The following NEXN variants were observed in gnomAD, a reference collection of about 807,000 sequenced individuals.
The protein encoded by NEXN is nexilin.
In NEXN, 65 loss-of-function variants were observed where a neutral mutation model predicts 92.6. That is an observed-to-expected ratio of 0.70 (90% CI 0.57 to 0.86). The LOEUF (loss-of-function observed/expected upper bound fraction) is 0.86. NEXN is among the 40% of genes least tolerant of loss of function. The pLI is 0.00. For synonymous variants in NEXN, 254 were observed against 242.5 expected (o/e 1.05, Z -0.44); for missense variants, 778 against 771.1 (o/e 1.01, Z -0.11).
At chr1:77,915,364 T>G (rs1394196230) in intron 1 of NEXN, among the ~76,000 whole-genome samples, 1 of 152,134 alleles carries the variant, frequency 6.6e-6, no homozygotes, top group Non-Finnish European at 1.5e-5. Flanking sequence ...GCATGGTGGC[T>G]CATGCCTGTA....
At chr1:77,940,330 G>C (rs1651155725) in intron 11 of NEXN, among the ~76,000 whole-genome samples, 1 of 152,242 alleles carries the variant, frequency 6.6e-6, no homozygotes, top group African/African-American at 2.4e-5. Flanking sequence ...CATGGGCTGA[G>C]AGTACCAATG....
chr1:77,903,166 C>A (rs1647848646), intron 1 of NEXN, among the ~76,000 whole-genome samples: 1 of 151,432 alleles, frequency 6.6e-6, no homozygotes, highest in African/African-American at 2.4e-5. Context: ...GAGTAGAGAA[C>A]CTAGTGGGCC....
Position 77,942,537 on chromosome 1 carries a change from C to A in NEXN, c.1736C>A (p.Ser579Ter). 1 of 1,613,830 alleles carries A rather than the reference C, an allele frequency of 6.2e-7. No individual in the cohort carries two copies. Among genetic ancestry groups the A allele is most frequent in the Non-Finnish European group, 8.5e-7 (1 of 1,179,792 alleles). The change falls in exon 13 of 13, where the codon TCA (serine) becomes TAA (stop). Residue 579 changes from serine to a stop codon, truncating the protein, a stop_gained. Transcript: ENST00000334785. LOFTEE classifies it high-confidence loss of function. ...GCTGAAGATGAAGAGCAAACCAGAT[C>A]AGGAGCTCCATGGTTCAAGAAGCCT... ...STAEDEEQTR[S>*]GAPWFKKPLK...
intron 10 of NEXN, among the ~76,000 whole-genome samples, chr1:77,934,010 A>ACTTTTTT (rs1557989047): frequency 4.2e-5 from 1 of 23,630 alleles, no homozygotes; most frequent in Non-Finnish European, 8.9e-5. Context: ...GCTAATTTTT[A>ACTTTTTT]ATTTTTTTTT....
intron 5 of NEXN, among the ~76,000 whole-genome samples, chr1:77,919,204 A>G (rs955765116): frequency 7.9e-5 from 12 of 152,080 alleles, no homozygotes; most frequent in Non-Finnish European, 1.8e-4. Flanking sequence ...GATGGGGGAA[A>G]CCACCCCCAT....
chr1:77,922,601 C>A (rs1348582436), intron 5 of NEXN, among the ~76,000 whole-genome samples: 2 of 140,364 alleles, frequency 1.4e-5, no homozygotes, highest in African/African-American at 5.2e-5. Flanking sequence ...CAAAATTATT[C>A]TTTTTTTTTT....
At position 77,942,481 on chromosome 1, in the gene NEXN, G is replaced by GGAA. The variant is rs1228931205; in HGVS notation, c.1685_1687dup (p.Glu562dup). The GGAA allele has an allele frequency of 6.2e-7, 1 of 1,613,536 alleles. No individual in the cohort carries two copies. Among genetic ancestry groups the GGAA allele is most frequent in the Admixed American group, 1.7e-5 (1 of 59,980 alleles). On this transcript the variant is annotated inframe_insertion, in exon 13 of 13. Transcript: ENST00000334785. Reference sequence around the variant, plus strand: ...TACAGAAAAGAGAAGAGGAGGAGGAGGAAGAAGGTAGCATCATGAATGGCT... The same window carrying GGAA: ...TACAGAAAAGAGAAGAGGAGGAGGAGGAAGAAGAAGGTAGCATCATGAATGGCT...
At position 77,943,117 on chromosome 1, in the gene NEXN, G is replaced by C. The variant is rs1000582238; in HGVS notation, c.*288G>C. On this transcript the variant is annotated 3_prime_UTR_variant, in exon 13 of 13. Transcript: ENST00000334785. ...AAGCATCAGATTTATCGCCTATTAT[G>C]CAGTAACAGTCAATAAAATGTACTT... is the stretch of plus-strand genomic sequence containing the variant. The C allele has an allele frequency of 3.8e-5, 15 of 394,528 alleles. No individual in the cohort carries two copies. The highest frequency in any genetic ancestry group is 7.2e-5 in the Non-Finnish European group (15 of 207,400). 24.4% of individuals were successfully genotyped at this position (394,528 alleles called of 1,614,324 possible).
chr1:77,913,748 A>G (rs865890999), intron 1 of NEXN, among the ~76,000 whole-genome samples: 4 of 152,184 alleles, frequency 2.6e-5, no homozygotes, highest in Non-Finnish European at 5.9e-5. Flanking sequence ...TGCTCTTACC[A>G]TATAATCCAG....
chr1:77,918,750 G>A (rs1460683624), intron 5 of NEXN, among the ~76,000 whole-genome samples: 4 of 151,826 alleles, frequency 2.6e-5, no homozygotes. Flanking sequence ...AAGGACATGG[G>A]CAGAATATGC....
intron 1 of NEXN, among the ~76,000 whole-genome samples, chr1:77,899,983 T>G (rs1647567483): frequency 6.6e-6 from 1 of 152,206 alleles, no homozygotes; most frequent in South Asian, 2.1e-4. Context: ...GCTATGAGTT[T>G]CTTTTTCTTT....
At chr1:77,889,879 T>C (rs1031057738) in intron 1 of NEXN, among the ~76,000 whole-genome samples, 17 of 152,238 alleles carry the variant, frequency 1.1e-4, no homozygotes, top group Non-Finnish European at 4.4e-5. Context: ...TCTTAGGTAA[T>C]GTGATTAAAT....
At chr1:77,911,490 G>A (rs1648571180) in intron 1 of NEXN, among the ~76,000 whole-genome samples, 1 of 152,110 alleles carries the variant, frequency 6.6e-6, no homozygotes. Flanking sequence ...TACTTGGGAG[G>A]CTGAGGCAGG....
rs1001339496 is a variant in NEXN at position 77,943,506 on chromosome 1, AAAATT to A, written c.*681_*685del. On this transcript the variant is annotated 3_prime_UTR_variant, in exon 13 of 13. Transcript: ENST00000334785. Reference sequence around the variant, plus strand: ...AAGGGGAGGAGCATGGAGAAAAACAAAAATTAAAGGACTTAAAGAATGGCTATACA... The same window carrying A: ...AAGGGGAGGAGCATGGAGAAAAACAAAAAGGACTTAAAGAATGGCTATACA... 5 of 155,126 alleles carry A rather than the reference AAAATT, an allele frequency of 3.2e-5. No individual in the cohort carries two copies. Among genetic ancestry groups the A allele is most frequent in the African/African-American group, 1.2e-4 (5 of 41,400 alleles). 9.6% of individuals were successfully genotyped at this position (155,126 alleles called of 1,614,324 possible).
rs540693580 is a variant in NEXN at position 77,937,080 on chromosome 1, T to C, written c.1473+1036T>C. 4.8e-3 allele frequency among the ~76,000 whole-genome samples: 720 copies of C among 151,140 alleles called. 6 individuals carry two copies. The highest frequency in any genetic ancestry group is 0.017 in the African/African-American group (682 of 40,812). On this transcript the variant is annotated intron_variant, in intron 11 of 12. Transcript: ENST00000334785. ...GTCTCAGCACTTTGGGAGGCCGAGG[T>C]GGGTGGGTCACTTGAGCCATTTCAA...
In NEXN at chr1:77,926,752, C is replaced by G; in HGVS notation, c.724C>G (p.Leu242Val). 6.2e-7 allele frequency: 1 copy of G among 1,613,760 alleles called. No homozygotes were observed. The highest frequency in any genetic ancestry group is 8.5e-7 in the Non-Finnish European group (1 of 1,179,930). Residue 242 changes from leucine (L) to valine (V), a missense_variant, in exon 8 of 13, where the codon CTT becomes GTT. By Grantham distance (32) the Leu-to-Val change is conservative. Coordinates refer to ENST00000334785, the MANE Select transcript of NEXN (RefSeq NM_144573.4). ...AGAAAGTGAAGCAAAAAAAGAATCA[C>G]TTTCTCCCGGAAAATTGAAACTAAC... Reference protein sequence around the residue: ...EIESEAKKESLSPGKLKLTFE... With the variant: ...EIESEAKKESVSPGKLKLTFE...
In NEXN at chr1:77,943,860, A is replaced by G. The variant is rs1252245279; in HGVS notation, c.*1031A>G. On this transcript the variant is annotated 3_prime_UTR_variant, in exon 13 of 13. Coordinates refer to ENST00000334785, the MANE Select transcript of NEXN (RefSeq NM_144573.4). The stretch of plus-strand genomic sequence containing the variant: ...TTCTGGAAGACAATTTTATTTTACA[A>G]CGTGAACCCAAATAAAGTAACTTCT... The G allele has an allele frequency of 6.4e-6, 1 of 155,248 alleles. No individual in the cohort carries two copies. Among genetic ancestry groups the G allele is most frequent in the African/African-American group, 2.4e-5 (1 of 41,564 alleles). 9.6% of individuals were successfully genotyped at this position (155,248 alleles called of 1,614,324 possible). A position where few individuals can be genotyped will look rare whatever the true frequency, so the allele number is the denominator to read the frequency against.
Position 77,942,857 on chromosome 1 carries a change from ATT to A in NEXN, c.*36_*37del, listed in dbSNP as rs746764305. ...ACTCTTTTTATCTTTTATTCTATTAATTTTTTTTTCCTTAAAATCACTTTTCT... is the reference window on the plus strand; with the variant it reads ...ACTCTTTTTATCTTTTATTCTATTAATTTTTTTCCTTAAAATCACTTTTCT... On this transcript the variant is annotated 3_prime_UTR_variant, in exon 13 of 13. Transcript: ENST00000334785. 2 of 1,559,562 alleles carry A rather than the reference ATT, an allele frequency of 1.3e-6. No homozygotes were observed. The highest frequency in any genetic ancestry group is 3.5e-5 in the Admixed American group (2 of 57,080).
Position 77,942,612 on chromosome 1 carries a change from A to C in NEXN, c.1811A>C (p.Lys604Thr). 6.2e-7 allele frequency: 1 copy of C among 1,613,900 alleles called. No homozygotes were observed. Among genetic ancestry groups the C allele is most frequent in the Non-Finnish European group, 8.5e-7 (1 of 1,179,828 alleles). The change falls in exon 13 of 13, where the codon AAA becomes ACA. Residue 604 changes from lysine to threonine, a missense_variant. Transcript: ENST00000334785. ...AGTGAGCCAGTCAGATTTACGGTTA[A>C]AGTAACAGGAGAACCCAAACCAGAA... ...VDSEPVRFTV[K>T]VTGEPKPEIT...
Sources: gnomAD v4.1 joint callset for allele counts (sites outside exome capture counted in the v4.1 genomes callset) on GRCh38, gnomAD v4.1.1 for gene constraint, MANE v1.5 for transcripts, NCBI Gene and HGNC (gene_info 2026-07-23, HGNC 2026-07-21) for gene names.